GSE1: variants seen among roughly 807,000 people sequenced by gnomAD.
GSE1 encodes genetic suppressor element 1.
GSE1 carries 32 observed loss-of-function variants against 112.6 expected under a neutral mutation model. That is an observed-to-expected ratio of 0.28 (90% CI 0.21 to 0.38). The LOEUF is 0.38. Ranked by LOEUF, GSE1 falls within the 10% of genes least tolerant of loss-of-function variation. The pLI is 1.00. For missense variants in GSE1, 2,348 were observed against 1,699.2 expected, an observed-to-expected ratio of 1.38 and a Z score of -6.71; for synonymous variants, 1,115 against 735.6, an observed-to-expected ratio of 1.52 and a Z score of -8.35.
exon 1 of GSE1, chr16:85,556,146 G>A: frequency 1.4e-5 from 13 of 957,926 alleles, no homozygotes; most frequent in Non-Finnish European, 1.5e-5. Flanking sequence ...TGCGGGGCGG[G>A]GGGGGGAAAG....
chr16:85,380,857 C>G (rs1308440063), intron 2 of GSE1, among the ~76,000 whole-genome samples: 1 of 152,194 alleles, frequency 6.6e-6, no homozygotes, highest in East Asian at 1.9e-4. Context: ...TTTGCATTTT[C>G]TTTGGGGAGC....
intron 1 of GSE1, among the ~76,000 whole-genome samples, chr16:85,602,342 C>T (rs1265588412): frequency 6.6e-6 from 1 of 152,134 alleles, no homozygotes; most frequent in Non-Finnish European, 1.5e-5. Flanking sequence ...AAAAGAACTT[C>T]GAAGGCTTTT....
chr16:85,395,721 A>G (rs887534652), intron 2 of GSE1, among the ~76,000 whole-genome samples: 4 of 151,522 alleles, frequency 2.6e-5, no homozygotes, highest in Admixed American at 2.6e-4. Flanking sequence ...TCCCCTGCCC[A>G]CGCTCTCTAG....
chr16:85,195,334 A>G (rs1567603253), intron 1 of GSE1, among the ~76,000 whole-genome samples: 1 of 152,150 alleles, frequency 6.6e-6, no homozygotes, highest in African/African-American at 2.4e-5. Flanking sequence ...GAGTTGGAAG[A>G]AGGAGAGGAG....
intron 14 of GSE1, among the ~76,000 whole-genome samples, chr16:85,670,285 C>A (rs1197142749): frequency 6.6e-6 from 1 of 152,144 alleles, no homozygotes; most frequent in Non-Finnish European, 1.5e-5. Context: ...TCCAGTGCTG[C>A]CAAAGAGAGG....
chr16:85,389,968 AGT>A (rs2047800162), intron 2 of GSE1, among the ~76,000 whole-genome samples: 2 of 152,318 alleles, frequency 1.3e-5, no homozygotes, highest in African/African-American at 4.8e-5. Flanking sequence ...CCCAGGGGAA[AGT>A]GAGGCATGAC....
At chr16:85,603,544 A>G (rs1036317850) in intron 1 of GSE1, among the ~76,000 whole-genome samples, 2 of 152,200 alleles carry the variant, frequency 1.3e-5, no homozygotes, top group African/African-American at 2.4e-5. Context: ...TGTGTCGCCC[A>G]GGCTGTGGTG....
At chr16:85,420,359 C>G (rs1004703748) in intron 2 of GSE1, among the ~76,000 whole-genome samples, 3 of 152,162 alleles carry the variant, frequency 2.0e-5, no homozygotes, top group Non-Finnish European at 4.4e-5. Flanking sequence ...AGGGAACGTA[C>G]TTCTGTTGAT....
At chr16:85,335,705 C>T (rs966088762) in intron 1 of GSE1, among the ~76,000 whole-genome samples, 5 of 152,046 alleles carry the variant, frequency 3.3e-5, no homozygotes, top group African/African-American at 1.2e-4. Context: ...TGTTGGCTGC[C>T]GGGAGAAAGA....
chr16:85,584,193 C>T (rs759250712), intron 1 of GSE1, among the ~76,000 whole-genome samples: 3 of 152,334 alleles, frequency 2.0e-5, no homozygotes, highest in Middle Eastern at 3.4e-3. Flanking sequence ...CTTCCTCCCC[C>T]TCTGCGTGTT....
In GSE1 at chr16:85,654,873, A is replaced by G. The variant is rs767263524; in HGVS notation, c.679A>G (p.Thr227Ala). ...CCTGAGAAGCTTCCGGCCCTACCAC[A>G]CCACCGACGACCTCCGCATGTCCTC... ...DYLRSFRPYH[T>A]TDDLRMSSLP... The change falls in exon 5 of 16, where the codon ACC (threonine) becomes GCC (alanine). Residue 227 changes from threonine to alanine, a missense_variant. Physicochemically the swap from Thr to Ala is moderately conservative, Grantham distance 58. Transcript: ENST00000253458. 1.2e-6 allele frequency: 2 copies of G among 1,610,610 alleles called. No homozygotes were observed. The highest frequency in any genetic ancestry group is 1.7e-6 in the Non-Finnish European group (2 of 1,178,964).
intron 2 of GSE1, among the ~76,000 whole-genome samples, chr16:85,468,574 AG>A: frequency 6.6e-6 from 1 of 151,772 alleles, no homozygotes. Context: ...AGCCCCCCTC[AG>A]CCTCCCAAAG....
At chr16:85,476,054 C>T (rs994566067) in intron 2 of GSE1, among the ~76,000 whole-genome samples, 2 of 152,186 alleles carry the variant, frequency 1.3e-5, no homozygotes, top group African/African-American at 4.8e-5. Context: ...CCTCAGCCTC[C>T]CCAGGAGCCG....
At chr16:85,480,695 G>T (rs1436698029) in intron 2 of GSE1, among the ~76,000 whole-genome samples, 1 of 152,072 alleles carries the variant, frequency 6.6e-6, no homozygotes, top group Non-Finnish European at 1.5e-5. Flanking sequence ...TGTGGCGGGC[G>T]GCAGGGGTGG....
intron 2 of GSE1, among the ~76,000 whole-genome samples, chr16:85,488,834 T>G (rs541183513): frequency 1.4e-4 from 21 of 151,740 alleles, no homozygotes; most frequent in African/African-American, 5.1e-4. Flanking sequence ...CAGAGGTGGG[T>G]GATTTCCTGG....
At chr16:85,374,200 G>A (rs907201877) in intron 2 of GSE1, among the ~76,000 whole-genome samples, 3 of 151,552 alleles carry the variant, frequency 2.0e-5, no homozygotes, top group Admixed American at 6.6e-5. Context: ...GTGTGTTCAC[G>A]CGTGGCCCTC....
At chr16:85,296,280 G>A (rs2151450774) in intron 1 of GSE1, among the ~76,000 whole-genome samples, 1 of 152,272 alleles carries the variant, frequency 6.6e-6, no homozygotes, top group Non-Finnish European at 1.5e-5. Flanking sequence ...CGGACACCCA[G>A]GCACAAAGCG....
intron 2 of GSE1, among the ~76,000 whole-genome samples, chr16:85,401,088 T>C (rs4783194): frequency 0.97 from 148,005 of 152,232 alleles, 72,090 homozygotes; most frequent in East Asian, 1. Flanking sequence ...AATCAGCGGA[T>C]ATGGTGCTGG....
chr16:85,498,435 A>C (rs145768454), intron 2 of GSE1, among the ~76,000 whole-genome samples: 2 of 152,270 alleles, frequency 1.3e-5, no homozygotes, highest in African/African-American at 4.8e-5. Flanking sequence ...ACACGGACAC[A>C]CAGATACCCA....
Sources: allele counts gnomAD v4.1 joint callset (sites outside exome capture counted in the v4.1 genomes callset), GRCh38; gene constraint gnomAD v4.1.1; transcripts MANE v1.5; gene names NCBI Gene and HGNC (gene_info 2026-07-23, HGNC 2026-07-21).